Variants in TBL1Y observed in about 807,000 individuals in gnomAD.
The protein encoded by TBL1Y is transducin beta like 1 Y-linked, also known as F-box-like/WD repeat-containing protein TBL1Y.
TBL1Y carries 15 observed loss-of-function variants against 12.0 expected under a neutral mutation model. The observed-to-expected ratio is 1.25, with a 90% confidence interval of 0.83 to 1.92. TBL1Y has a LOEUF of 1.92. TBL1Y is among the 40% of genes most tolerant of loss of function. TBL1Y has a pLI of 0.00. For missense variants in TBL1Y, 148 were observed against 116.7 expected (o/e 1.27, Z -1.24); for synonymous variants, 53 against 42.6 (o/e 1.24, Z -0.95).
At chrY:7,086,797 C>T in intron 16 of TBL1Y, among the ~76,000 whole-genome samples, 1 of 29,840 alleles carries the variant, frequency 3.4e-5, no homozygotes, top group Non-Finnish European at 7.9e-5. Flanking sequence ...ACCCAGGAGA[C>T]GGAGGCTGCA....
At chrY:6,983,887 C>T (rs2012300624) in intron 3 of TBL1Y, among the ~76,000 whole-genome samples, 2 of 33,233 alleles carry the variant, frequency 6.0e-5, no homozygotes, top group African/African-American at 1.2e-4. Context: ...AAATATCACA[C>T]GTGTGTCCAG....
chrY:6,967,723 AT>A (rs2012179439), intron 2 of TBL1Y, among the ~76,000 whole-genome samples: 1 of 32,862 alleles, frequency 3.0e-5, no homozygotes, highest in Non-Finnish European at 7.5e-5. Context: ...ACAGAGTTTC[AT>A]TTTTGTTGCC....
intron 2 of TBL1Y, among the ~76,000 whole-genome samples, chrY:6,914,558 G>A (rs2011722373): frequency 3.2e-5 from 1 of 31,088 alleles, no homozygotes; most frequent in African/African-American, 1.3e-4. Context: ...TGAGTGTGGT[G>A]GTGCATGTCT....
At chrY:6,935,599 T>C (rs2011899095) in intron 2 of TBL1Y, among the ~76,000 whole-genome samples, 2 of 33,808 alleles carry the variant, frequency 5.9e-5, no homozygotes, top group Non-Finnish European at 1.5e-4. Context: ...CAAACTTCAT[T>C]ATGCATCAGA....
intron 2 of TBL1Y, among the ~76,000 whole-genome samples, chrY:6,955,653 T>G: frequency 2.9e-5 from 1 of 34,072 alleles, no homozygotes; most frequent in Admixed American, 2.7e-4. Context: ...TTGCTTTTGC[T>G]AAGAGCAGGT....
chrY:7,051,309 C>T, intron 7 of TBL1Y, among the ~76,000 whole-genome samples: 1 of 33,329 alleles, frequency 3.0e-5, no homozygotes, highest in Non-Finnish European at 7.4e-5. Flanking sequence ...CTAGACTAGC[C>T]TGGCCAACAT....
At chrY:7,091,205 C>G (rs2013173090) in intron 18 of TBL1Y, among the ~76,000 whole-genome samples, 1 of 33,835 alleles carries the variant, frequency 3.0e-5, no homozygotes, top group Non-Finnish European at 7.3e-5. Context: ...CCAATTGTCT[C>G]TCCCACTGTG....
chrY:7,036,512 G>A (rs2012694740), intron 6 of TBL1Y, among the ~76,000 whole-genome samples: 1 of 33,720 alleles, frequency 3.0e-5, no homozygotes, highest in Admixed American at 2.7e-4. Context: ...AGCAAGGTGG[G>A]CAGGGGGTGA....
chrY:7,016,520 C>A, intron 4 of TBL1Y, among the ~76,000 whole-genome samples: 1 of 32,561 alleles, frequency 3.1e-5, no homozygotes, highest in Admixed American at 2.8e-4. Context: ...AATGGTGCAT[C>A]CTTTGTTGTC....
chrY:7,061,503 CTGTT>C (rs2012866213), intron 7 of TBL1Y, among the ~76,000 whole-genome samples: 2 of 32,407 alleles, frequency 6.2e-5, no homozygotes. Context: ...CTCTTTCTGT[CTGTT>C]TGACCCCTTC....
At chrY:7,056,950 C>CTAA (rs2012827049) in intron 7 of TBL1Y, among the ~76,000 whole-genome samples, 3 of 33,786 alleles carry the variant, frequency 8.9e-5, no homozygotes, top group Non-Finnish European at 2.2e-4. Context: ...GGTTTTATCC[C>CTAA]TGACTCACGT....
intron 10 of TBL1Y, 65 bp downstream of exon 10, chrY:7,070,926 CA>C (rs2013027975): frequency 2.8e-6 from 1 of 356,076 alleles, no homozygotes; most frequent in East Asian, 9.8e-5. Flanking sequence ...GCATGGGCTG[CA>C]GTGATGGAAT....
At chrY:7,042,759 C>T in intron 6 of TBL1Y, 1 of 86,548 alleles carries the variant, frequency 1.2e-5, no homozygotes, top group Non-Finnish European at 1.6e-5. Flanking sequence ...TTCTAAGATA[C>T]CAATTTTGGT....
intron 3 of TBL1Y, among the ~76,000 whole-genome samples, chrY:6,991,071 TGCATTTCCA>T (rs2012361155): frequency 2.9e-5 from 1 of 33,908 alleles, no homozygotes; most frequent in South Asian, 6.7e-4. Flanking sequence ...TTGGCCCACA[TGCATTTCCA>T]GCTGCTCAGT....
intron 8 of TBL1Y, 31 bp downstream of exon 8, chrY:7,064,180 G>A: frequency 3.0e-5 from 12 of 395,758 alleles, no homozygotes; most frequent in Non-Finnish European, 4.3e-5. Context: ...AGTTTGGTGG[G>A]CCTCTCTGGG....
At chrY:6,957,422 G>A in intron 2 of TBL1Y, among the ~76,000 whole-genome samples, 3 of 34,297 alleles carry the variant, frequency 8.7e-5, no homozygotes, top group Non-Finnish European at 1.5e-4. Flanking sequence ...TGTCTCTCAC[G>A]ACAAGGAGGA....
At chrY:6,975,286 G>C (rs2012230715) in intron 2 of TBL1Y, among the ~76,000 whole-genome samples, 1 of 33,411 alleles carries the variant, frequency 3.0e-5, no homozygotes, top group Non-Finnish European at 7.4e-5. Flanking sequence ...TAGGAAATTT[G>C]AATCAGTTTT....
intron 13 of TBL1Y, among the ~76,000 whole-genome samples, chrY:7,079,271 A>T: frequency 5.9e-5 from 2 of 33,790 alleles, no homozygotes; most frequent in African/African-American, 2.3e-4. Context: ...CCAGGAAGCC[A>T]TTGACCTGCA....
intron 2 of TBL1Y, among the ~76,000 whole-genome samples, chrY:6,940,436 C>T: frequency 9.5e-5 from 3 of 31,588 alleles, no homozygotes; most frequent in African/African-American, 3.7e-4. Context: ...AATGATCCTC[C>T]CTGCTTGGCC....
Sources: allele counts gnomAD v4.1 joint callset (sites outside exome capture counted in the v4.1 genomes callset), GRCh38; gene constraint gnomAD v4.1.1; transcripts MANE v1.5; gene names NCBI Gene and HGNC (gene_info 2026-07-23, HGNC 2026-07-21).